Variants in ITGA1 observed in about 807,000 individuals in gnomAD.
The protein encoded by ITGA1 is integrin alpha-1.
Under a neutral mutation model 145.9 loss-of-function variants are expected in ITGA1, and 85 were observed. That is an observed-to-expected ratio of 0.58 (90% CI 0.49 to 0.70). The LOEUF (loss-of-function observed/expected upper bound fraction) is 0.70. ITGA1 is among the 30% of genes least tolerant of loss of function. The probability of loss-of-function intolerance (pLI) is 0.00; values close to 1 mark genes in which losing one functional copy is unlikely to be tolerated. For synonymous variants in ITGA1, 520 were observed against 495.3 expected (o/e 1.05, Z -0.66); for missense variants, 1,351 against 1,418.7 (o/e 0.95, Z 0.77).
chr5:52,928,264 A>G (rs1018704813), intron 20 of ITGA1, among the ~76,000 whole-genome samples: 2 of 152,196 alleles, frequency 1.3e-5, no homozygotes, highest in Non-Finnish European at 2.9e-5. Context: ...ACTACATAAC[A>G]TATCTGATAA....
At chr5:52,888,919 T>C (rs1561238410) in intron 8 of ITGA1, among the ~76,000 whole-genome samples, 2 of 152,260 alleles carry the variant, frequency 1.3e-5, no homozygotes, top group Middle Eastern at 3.4e-3. Flanking sequence ...GGATGGTCAC[T>C]GATACTCCCC....
intron 14 of ITGA1, among the ~76,000 whole-genome samples, chr5:52,913,516 T>G (rs1750599484): frequency 6.6e-6 from 1 of 152,192 alleles, no homozygotes; most frequent in Non-Finnish European, 1.5e-5. Context: ...AAGTGTATTT[T>G]TTTTCCTTCA....
chr5:52,951,778 A>G (rs140100924), intron 28 of ITGA1, among the ~76,000 whole-genome samples: 1 of 152,318 alleles, frequency 6.6e-6, no homozygotes, highest in African/African-American at 2.4e-5. Flanking sequence ...CAAAGAAGAG[A>G]CAATGCTAGC....
At chr5:52,886,313 G>A (rs546262963) in intron 7 of ITGA1, among the ~76,000 whole-genome samples, 5 of 152,242 alleles carry the variant, frequency 3.3e-5, no homozygotes, top group African/African-American at 9.6e-5. Flanking sequence ...TAAGTCCTTC[G>A]AAAGGAAAAG....
chr5:52,814,989 G>A (rs971794963), intron 1 of ITGA1, among the ~76,000 whole-genome samples: 4 of 152,106 alleles, frequency 2.6e-5, no homozygotes, highest in Admixed American at 1.3e-4. Context: ...GAATGAAATG[G>A]AAGTCAGGAA....
chr5:52,839,739 C>A (rs1273941910), intron 1 of ITGA1, among the ~76,000 whole-genome samples: 1 of 152,072 alleles, frequency 6.6e-6, no homozygotes, highest in Non-Finnish European at 1.5e-5. Context: ...GTCAGGAAAG[C>A]AGAAATAGTA....
intron 14 of ITGA1, among the ~76,000 whole-genome samples, chr5:52,915,133 T>C (rs936116788): frequency 3.3e-5 from 5 of 152,188 alleles, no homozygotes; most frequent in African/African-American, 1.2e-4. Context: ...TTTAGATATG[T>C]CTGTGTGATG....
At chr5:52,818,102 G>A (rs1051237086) in intron 1 of ITGA1, among the ~76,000 whole-genome samples, 2 of 152,164 alleles carry the variant, frequency 1.3e-5, no homozygotes, top group African/African-American at 4.8e-5. Context: ...TATAGAGTAT[G>A]CTTACAAACT....
In ITGA1 at chr5:52,800,334, G is replaced by C. The variant is rs1249426412; in HGVS notation, c.61+11920G>C. The C allele has an allele frequency of 3.1e-6, 5 of 1,591,098 alleles. No homozygotes were observed. In the African/African-American group the frequency reaches 4.0e-5, roughly 13 times the overall value. ...GGCCTGCATTCCCATCCCCTCTCCC[G>C]GGGCGGAGGTGAGGACCTCCTTGGT... On this transcript the variant is annotated intron_variant, in intron 1 of 28. Transcript: ENST00000282588.
intron 14 of ITGA1, among the ~76,000 whole-genome samples, chr5:52,913,425 A>G (rs1224900936): frequency 6.6e-6 from 1 of 152,222 alleles, no homozygotes; most frequent in Non-Finnish European, 1.5e-5. Context: ...GAAAAAATAA[A>G]TCTGAATATT....
rs754893814 is a variant in ITGA1 at position 52,922,768 on chromosome 5, A to T, written c.2293-9A>T. 5.8e-6 allele frequency: 9 copies of T among 1,554,686 alleles called. No homozygotes were observed. In the Admixed American group the frequency reaches 1.2e-4, roughly 20 times the overall value. On this transcript the variant is annotated splice_polypyrimidine_tract_variant and intron_variant, in intron 17 of 28. Transcript: ENST00000282588. ...ATACCAGTGATATATTTTATGTTTCACCCTCTAGGACAAGCATGACTTTCA... is the reference window on the plus strand; with the variant it reads ...ATACCAGTGATATATTTTATGTTTCTCCCTCTAGGACAAGCATGACTTTCA...
intron 1 of ITGA1, chr5:52,800,112 G>A (rs1472658128): frequency 2.5e-6 from 1 of 397,726 alleles, no homozygotes; most frequent in South Asian, 3.0e-5. Flanking sequence ...TCAGCCCGCT[G>A]TTGCGTGCTG....
In ITGA1 at chr5:52,937,571, T is replaced by G; in HGVS notation, c.3078+57T>G. Reference sequence around the variant, plus strand: ...TACTGTTATCTTTTCCACTTTATGTTTAAGCCTTTTGTTCTGCATGATACT... The same window carrying G: ...TACTGTTATCTTTTCCACTTTATGTGTAAGCCTTTTGTTCTGCATGATACT... On this transcript the variant is annotated intron_variant, in intron 24 of 28. Coordinates refer to ENST00000282588, the MANE Select transcript of ITGA1 (RefSeq NM_181501.2). 3 of 1,077,706 alleles carry G rather than the reference T, an allele frequency of 2.8e-6. No individual in the cohort carries two copies. In the South Asian group the frequency reaches 3.9e-5, roughly 14 times the overall value. 66.8% of individuals were successfully genotyped at this position (1,077,706 alleles called of 1,614,324 possible).
At position 52,908,931 on chromosome 5, in the gene ITGA1, A is replaced by G; in HGVS notation, c.1489A>G (p.Thr497Ala). Residue 497 changes from threonine to alanine, a missense_variant, in exon 13 of 29, where the codon ACT becomes GCT. Coordinates refer to ENST00000282588, the MANE Select transcript of ITGA1 (RefSeq NM_181501.2). ...CTACTTTGGCAGTATTTTAACAACA[A>G]CTGACATTGACAAGGATTCTAATAC... ...GSYFGSILTT[T>A]DIDKDSNTDI... 2 of 1,613,908 alleles carry G rather than the reference A, an allele frequency of 1.2e-6. No individual in the cohort carries two copies. Among genetic ancestry groups the G allele is most frequent in the Non-Finnish European group, 1.7e-6 (2 of 1,179,874 alleles).
At chr5:52,818,976 G>T (rs1218355351) in intron 1 of ITGA1, among the ~76,000 whole-genome samples, 1 of 152,068 alleles carries the variant, frequency 6.6e-6, no homozygotes, top group Non-Finnish European at 1.5e-5. Context: ...TGAGTTAGAT[G>T]ACCCCAATCC....
At chr5:52,950,247 C>G (rs188381538) in intron 28 of ITGA1, among the ~76,000 whole-genome samples, 7 of 152,230 alleles carry the variant, frequency 4.6e-5, no homozygotes, top group Admixed American at 2.0e-4. Flanking sequence ...TCTCTCCTAA[C>G]TTGATGTCAT....
At chr5:52,911,785 A>ATACTATATATG (rs1750547426) in intron 14 of ITGA1, among the ~76,000 whole-genome samples, 1 of 131,498 alleles carries the variant, frequency 7.6e-6, no homozygotes, top group African/African-American at 2.9e-5. Context: ...CTATATATAT[A>ATACTATATATG]GTGTATCTAC....
At chr5:52,864,703 T>G (rs1749655665) in intron 3 of ITGA1, 60 bp from the exon 4 acceptor site, 1 of 992,018 alleles carries the variant, frequency 1.0e-6, no homozygotes, top group Non-Finnish European at 1.6e-6. Flanking sequence ...TAATGAGAGA[T>G]GCTTAAAATT....
chr5:52,909,175 A>T, intron 13 of ITGA1, 134 bp downstream of exon 13: 1 of 829,906 alleles, frequency 1.2e-6, no homozygotes, highest in Non-Finnish European at 1.9e-6. Context: ...TCACTCCACC[A>T]ACCCCTCAGT....
Sources: gnomAD v4.1 joint callset for allele counts (sites outside exome capture counted in the v4.1 genomes callset) on GRCh38, gnomAD v4.1.1 for gene constraint, MANE v1.5 for transcripts, NCBI Gene and HGNC (gene_info 2026-07-23, HGNC 2026-07-21) for gene names.